The following AKAP9 variants were observed in gnomAD, a reference collection of about 807,000 sequenced individuals.
AKAP9 encodes A-kinase anchor protein 9.
AKAP9 carries 311 observed loss-of-function variants against 488.5 expected under a neutral mutation model. The observed-to-expected ratio is 0.64, with a 90% confidence interval of 0.58 to 0.70. The LOEUF (loss-of-function observed/expected upper bound fraction) is 0.70, where lower values mean the gene tolerates loss of function less well. Ranked by LOEUF, AKAP9 falls within the 30% of genes least tolerant of loss-of-function variation. The pLI is 0.00. For synonymous variants in AKAP9, 1,462 were observed against 1,483.5 expected (o/e 0.99, Z 0.33); for missense variants, 4,215 against 4,374.5 (o/e 0.96, Z 1.03).
intron 16 of AKAP9, among the ~76,000 whole-genome samples, chr7:92,034,762 G>A (rs1804920432): frequency 6.6e-6 from 1 of 151,524 alleles, no homozygotes; most frequent in South Asian, 2.1e-4. Flanking sequence ...GCCTCCCAAA[G>A]TACTGGGATT....
Position 92,002,990 on chromosome 7 carries a change from A to G in AKAP9, c.3073A>G (p.Thr1025Ala). ...AAGCTCTTTATTAGATGGAGTTGTG[A>G]CCATGACAAGCAGGGGTGCTGAAGG... ...QVSSLLDGVV[T>A]MTSRGAEGSV... is the part of the protein sequence containing the mutation. The change falls in exon 8 of 50, where the codon ACC (threonine) becomes GCC (alanine). Residue 1025 changes from threonine (T) to alanine (A), a missense_variant. Physicochemically the swap from Thr to Ala is moderately conservative, Grantham distance 58. Around this residue, in one of 5 missense-constraint regions of AKAP9, gnomAD observed 2,361 missense variants for 2,430.0 expected, o/e 0.97. Coordinates refer to ENST00000356239, the MANE Select transcript of AKAP9 (RefSeq NM_005751.5). 1 of 1,613,532 alleles carries G rather than the reference A, an allele frequency of 6.2e-7. No homozygotes were observed. The highest frequency in any genetic ancestry group is 1.1e-5 in the South Asian group (1 of 91,010).
chr7:91,957,725 A>G (rs918528538), intron 1 of AKAP9, among the ~76,000 whole-genome samples: 2 of 152,228 alleles, frequency 1.3e-5, no homozygotes, highest in African/African-American at 2.4e-5. Flanking sequence ...CTAAAGTTGC[A>G]TCTTTGCAAA....
chr7:92,054,620 C>T (rs1394718585), intron 22 of AKAP9, among the ~76,000 whole-genome samples: 1 of 152,034 alleles, frequency 6.6e-6, no homozygotes, highest in Non-Finnish European at 1.5e-5. Flanking sequence ...GCCTTATAGG[C>T]TGATTGGGTG....
At position 92,089,465 on chromosome 7, in the gene AKAP9, T is replaced by C. The variant is rs1295492727; in HGVS notation, c.9294T>C (p.His3098=). The C allele has an allele frequency of 6.2e-7, 1 of 1,613,252 alleles. No individual in the cohort carries two copies. The highest frequency in any genetic ancestry group is 8.5e-7 in the Non-Finnish European group (1 of 1,179,758). ...TGTTATCTGAAATTCAGGCACTGCA[T>C]GCACAAATGAATGGTAGGAAAATTA... is the stretch of plus-strand genomic sequence containing the variant. ...RSLLSEIQAL[H]AQMNGRKITL... Residue 3098 remains histidine, a synonymous_variant, in exon 38 of 50, where the codon CAT becomes CAC. Transcript: ENST00000356239.
chr7:91,989,404 T>C (rs1797499488), intron 3 of AKAP9, among the ~76,000 whole-genome samples: 1 of 152,184 alleles, frequency 6.6e-6, no homozygotes, highest in Admixed American at 6.5e-5. Flanking sequence ...AATTAAATTA[T>C]ATGCAGTCAT....
intron 1 of AKAP9, among the ~76,000 whole-genome samples, chr7:91,957,339 A>G (rs1793143831): frequency 6.6e-6 from 1 of 152,192 alleles, no homozygotes; most frequent in East Asian, 1.9e-4. Context: ...TCCAAACATT[A>G]TACTTGTTTT....
chr7:91,987,620 A>G (rs932430935), intron 3 of AKAP9, among the ~76,000 whole-genome samples: 1 of 152,202 alleles, frequency 6.6e-6, no homozygotes, highest in Non-Finnish European at 1.5e-5. Flanking sequence ...GATATGTGTC[A>G]TCAAAATTGC....
At chr7:92,109,049 GAAAAAAAAA>G (rs36114838) in intron 49 of AKAP9, 38 of 176,290 alleles carry the variant, frequency 2.2e-4, no homozygotes, top group African/African-American at 1.2e-3. Context: ...CTGTCTCAAA[GAAAAAAAAA>G]AAAAAAAGAA....
intron 16 of AKAP9, among the ~76,000 whole-genome samples, chr7:92,035,766 T>C (rs1805092198): frequency 6.6e-6 from 1 of 152,184 alleles, no homozygotes; most frequent in Non-Finnish European, 1.5e-5. Context: ...TTGTTTTGTA[T>C]TGTGCTCAGA....
At chr7:92,096,341 T>TTTG (rs1554464768) in intron 40 of AKAP9, among the ~76,000 whole-genome samples, 2 of 150,886 alleles carry the variant, frequency 1.3e-5, no homozygotes. Context: ...TTTGTTTTTT[T>TTTG]TTTTTTTTTT....
Position 92,097,012 on chromosome 7 carries a change from G to C in AKAP9, c.10053G>C (p.Gln3351His). ...SEDLLKELQK[Q>H]LEEKHSRIVE... is the part of the protein sequence containing the mutation. ...ACCTACTGAAAGAGCTGCAGAAACA[G>C]CTAGAGGAAAAACACAGTCGCATAG... The change falls in exon 41 of 50, where the codon CAG becomes CAC. Residue 3351 changes from glutamine to histidine, a missense_variant. Gln to His is a conservative substitution (Grantham distance 24, BLOSUM62 0). Coordinates refer to ENST00000356239, the MANE Select transcript of AKAP9 (RefSeq NM_005751.5). 3.7e-6 allele frequency: 6 copies of C among 1,614,202 alleles called. No individual in the cohort carries two copies. The highest frequency in any genetic ancestry group is 5.1e-6 in the Non-Finnish European group (6 of 1,180,024).
At chr7:92,103,387 C>CAAAAAAAAA (rs898565298) in intron 46 of AKAP9, among the ~76,000 whole-genome samples, 1 of 25,922 alleles carries the variant, frequency 3.9e-5, no homozygotes, top group Admixed American at 5.1e-4. Context: ...GAGACTCTGT[C>CAAAAAAAAA]AAAAAAAAAA....
In AKAP9 at chr7:92,097,177, T is replaced by C. The variant is rs755491238; in HGVS notation, c.10218T>C (p.His3406=). The change falls in exon 41 of 50, where the codon CAT becomes CAC. Residue 3406 remains histidine, a synonymous_variant. Transcript: ENST00000356239. The part of the protein sequence containing the change: ...EANTEGQKKM[H]ELQSKVEDLQ... ...ACACTGAGGGACAGAAAAAAATGCA[T>C]GAGCTCCAGTCCAAAGTGGAAGATC... 1.9e-6 allele frequency: 3 copies of C among 1,613,850 alleles called. No individual in the cohort carries two copies. In the South Asian group the frequency reaches 3.3e-5, roughly 18 times the overall value.
chr7:91,999,164 C>T (rs1386453017), intron 7 of AKAP9, among the ~76,000 whole-genome samples: 2 of 151,976 alleles, frequency 1.3e-5, no homozygotes, highest in Non-Finnish European at 1.5e-5. Flanking sequence ...TTTTTTTTCC[C>T]CTGTCAACTG....
intron 43 of AKAP9, among the ~76,000 whole-genome samples, chr7:92,098,985 A>G (rs1584553375): frequency 6.6e-6 from 1 of 152,264 alleles, no homozygotes; most frequent in South Asian, 2.1e-4. Context: ...AATGTACCCC[A>G]TAGTGACCCC....
chr7:92,009,553 G>A (rs758854044), intron 8 of AKAP9, among the ~76,000 whole-genome samples: 1 of 152,048 alleles, frequency 6.6e-6, no homozygotes, highest in African/African-American at 2.4e-5. Context: ...AACTCTCAAC[G>A]AATATATAAT....
chr7:92,084,862 T>C lies in AKAP9; in HGVS notation c.8754T>C (p.Ser2918=), dbSNP rs752802080. 7 of 1,613,432 alleles carry C rather than the reference T, an allele frequency of 4.3e-6. No homozygotes were observed. Among genetic ancestry groups the C allele is most frequent in the Non-Finnish European group, 5.9e-6 (7 of 1,179,716 alleles). The part of the protein sequence containing the change: ...DWGQGIYLTH[S]QGFDIASEGR... ...GTCAGGGAATTTATCTTACACACAG[T>C]CAGGGATTTGACATAGCATCAGAAG... Residue 2918 remains serine (S), a synonymous_variant, in exon 35 of 50, where the codon AGT becomes AGC. Coordinates refer to ENST00000356239, the MANE Select transcript of AKAP9 (RefSeq NM_005751.5).
Position 92,052,725 on chromosome 7 carries a change from G to C in AKAP9, c.5369-1G>C, listed in dbSNP as rs1447627420. The C allele has an allele frequency of 6.3e-7, 1 of 1,598,706 alleles. No individual in the cohort carries two copies. ...ATGCCTTTAAAACACTGTTATTCTA[G>C]TTACAGATGAATCCATTCCCTCTTA... On this transcript the variant is annotated splice_acceptor_variant, in intron 21 of 49. Transcript: ENST00000356239. LOFTEE classifies it high-confidence loss of function.
At chr7:92,010,347 T>C (rs1800528631) in intron 8 of AKAP9, among the ~76,000 whole-genome samples, 1 of 152,258 alleles carries the variant, frequency 6.6e-6, no homozygotes, top group Admixed American at 6.5e-5. Flanking sequence ...GCAGGACTGC[T>C]CTCTGGGGAG....
Sources: allele counts gnomAD v4.1 joint callset (sites outside exome capture counted in the v4.1 genomes callset), GRCh38; gene constraint gnomAD v4.1.1; regional missense constraint gnomAD v4.1.1; transcripts MANE v1.5; gene names NCBI Gene and HGNC (gene_info 2026-07-23, HGNC 2026-07-21).